EP300: variants seen among roughly 807,000 people sequenced by gnomAD.
EP300 encodes the protein EP300 lysine acetyltransferase, also known as histone acetyltransferase p300.
Under a neutral mutation model 264.0 loss-of-function variants are expected in EP300, and 31 were observed. The ratio of observed to expected loss-of-function variants is 0.12; its 90% confidence interval spans 0.09 to 0.16. EP300 has a LOEUF of 0.16. Ranked by LOEUF, EP300 falls within the 10% of genes least tolerant of loss-of-function variation. The pLI is 1.00. For missense variants in EP300, 2,766 were observed against 3,052.9 expected, an observed-to-expected ratio of 0.91 and a Z score of 2.21; for synonymous variants, 1,340 against 1,045.4, an observed-to-expected ratio of 1.28 and a Z score of -5.44.
intron 29 of EP300, chr22:41,174,811 T>G (rs2059190995): frequency 6.6e-6 from 1 of 152,184 alleles, no homozygotes; most frequent in East Asian, 1.9e-4. Flanking sequence ...ACCTAAAAAT[T>G]GGTTAAACAG....
Position 41,131,520 on chromosome 22 carries a change from G to C in EP300, c.1415G>C (p.Gly472Ala). The change falls in exon 6 of 31, where the codon GGA (glycine) becomes GCA (alanine). Residue 472 changes from glycine (G) to alanine (A), a missense_variant. Physicochemically the swap from Gly to Ala is moderately conservative, Grantham distance 60. Transcript: ENST00000263253. The stretch of plus-strand genomic sequence containing the variant: ...ATAGAAAGAGCCTATGCAGCTCTTG[G>C]ACTACCCTATCAAGTAAATCAGATG... The part of the protein sequence containing the change: ...SSIERAYAAL[G>A]LPYQVNQMPT... The C allele has an allele frequency of 6.2e-7, 1 of 1,613,974 alleles. No homozygotes were observed. The highest frequency in any genetic ancestry group is 8.5e-7 in the Non-Finnish European group (1 of 1,179,994).
intron 20 of EP300, 53 bp downstream of exon 20, chr22:41,160,775 T>C: frequency 1.3e-6 from 2 of 1,483,898 alleles, no homozygotes; most frequent in South Asian, 2.3e-5. Context: ...GTCCAGTGAT[T>C]ATGCACAGCT....
chr22:41,167,781 C>T (rs2059146896), intron 23 of EP300, among the ~76,000 whole-genome samples: 1 of 125,670 alleles, frequency 8.0e-6, no homozygotes, highest in African/African-American at 3.0e-5. Flanking sequence ...TGAGCCTTGT[C>T]TCCTGGCCAT....
At chr22:41,141,752 C>G (rs1044224049) in intron 10 of EP300, among the ~76,000 whole-genome samples, 2 of 151,690 alleles carry the variant, frequency 1.3e-5, no homozygotes, top group Non-Finnish European at 2.9e-5. Context: ...TCTTGGATCA[C>G]TGCAGCCTCC....
intron 10 of EP300, among the ~76,000 whole-genome samples, chr22:41,143,190 C>G (rs549449027): frequency 1.3e-5 from 2 of 152,046 alleles, no homozygotes; most frequent in African/African-American, 2.4e-5. Context: ...TGGTGGCTCA[C>G]GCCTGTAATC....
chr22:41,158,621 G>A (rs1601625626), intron 19 of EP300, 121 bp downstream of exon 19: 1 of 793,192 alleles, frequency 1.3e-6, no homozygotes, highest in East Asian at 2.7e-5. Context: ...CAGCTGTATA[G>A]CACAAGTTCT....
chr22:41,178,341 G>A lies in EP300; in HGVS notation c.6630G>A (p.Gln2210=), dbSNP rs1413036883. 1 of 1,608,048 alleles carries A rather than the reference G, an allele frequency of 6.2e-7. No homozygotes were observed. Among genetic ancestry groups the A allele is most frequent in the Non-Finnish European group, 8.5e-7 (1 of 1,174,746 alleles). Residue 2210 remains glutamine (Q), a synonymous_variant, in exon 31 of 31, where the codon CAG becomes CAA. Coordinates refer to ENST00000263253, the MANE Select transcript of EP300 (RefSeq NM_001429.4). ...GIGPGMANHN[Q]FQQPQGVGYP... ...GCCCTGGAATGGCCAACCATAACCA[G>A]TTCCAGCAACCCCAAGGAGTTGGCT...
In EP300 at chr22:41,149,154, C is replaced by A. The variant is rs145803296; in HGVS notation, c.2358C>A (p.Ser786Arg). The change falls in exon 13 of 31, where the codon AGC becomes AGA. Residue 786 changes from serine to arginine, a missense_variant. Ser to Arg is a moderately radical substitution (Grantham distance 110). Coordinates refer to ENST00000263253, the MANE Select transcript of EP300 (RefSeq NM_001429.4). ...NVTNIPLAPS[S>R]GQAPVSQAQM... ...CAAATATCCCTTTGGCTCCGTCCAG[C>A]GGTCAAGCTCCAGTGTCTCAAGTAT... 1.2e-6 allele frequency: 2 copies of A among 1,613,958 alleles called. No individual in the cohort carries two copies. Among genetic ancestry groups the A allele is most frequent in the Non-Finnish European group, 1.7e-6 (2 of 1,180,004 alleles).
intron 1 of EP300, among the ~76,000 whole-genome samples, chr22:41,095,109 C>T (rs886095283): frequency 2.6e-5 from 4 of 152,082 alleles, no homozygotes; most frequent in Admixed American, 2.6e-4. Context: ...CAAGATTCTA[C>T]TCCAGGAATT....
Position 41,177,470 on chromosome 22 carries a change from G to T in EP300, c.5759G>T (p.Gly1920Val), listed in dbSNP as rs985714434. The T allele has an allele frequency of 3.7e-6, 6 of 1,614,126 alleles. No homozygotes were observed. ...CAGACTGCTCAGCCACCCCTTCCAGGGCCCCCACCTGCAGCAGTGGAAATG... is the reference window on the plus strand; with the variant it reads ...CAGACTGCTCAGCCACCCCTTCCAGTGCCCCCACCTGCAGCAGTGGAAATG... ...PPQTAQPPLP[G>V]PPPAAVEMAM... The change falls in exon 31 of 31, where the codon GGG becomes GTG. Residue 1920 changes from glycine (G) to valine (V), a missense_variant. Transcript: ENST00000263253.
chr22:41,108,536 A>C (rs990671925), intron 1 of EP300, among the ~76,000 whole-genome samples: 41 of 152,168 alleles, frequency 2.7e-4, no homozygotes, highest in African/African-American at 9.4e-4. Context: ...GGCGTGAGCC[A>C]CGGTGCCCAA....
intron 11 of EP300, 135 bp downstream of exon 11, chr22:41,146,951 A>G: frequency 1.3e-6 from 1 of 792,806 alleles, no homozygotes; most frequent in Non-Finnish European, 2.1e-6. Context: ...GAGGGGGTGA[A>G]GAGCAGGTTG....
In EP300 at chr22:41,177,820, G is replaced by A. The variant is rs1298444427; in HGVS notation, c.6109G>A (p.Gly2037Ser). 6.2e-7 allele frequency: 1 copy of A among 1,614,084 alleles called. No individual in the cohort carries two copies. The highest frequency in any genetic ancestry group is 8.5e-7 in the Non-Finnish European group (1 of 1,180,034). ...MAPQPGLGQV[G>S]ISPLKPGTVS... The stretch of plus-strand genomic sequence containing the variant: ...TCCACAACCAGGATTGGGCCAGGTA[G>A]GTATCAGCCCACTCAAACCAGGCAC... Residue 2037 changes from glycine (G) to serine (S), a missense_variant, in exon 31 of 31, where the codon GGT becomes AGT. Physicochemically the swap from Gly to Ser is moderately conservative, Grantham distance 56 (BLOSUM62 0). Transcript: ENST00000263253.
In EP300 at chr22:41,093,027, C is replaced by T. The variant is rs760995545; in HGVS notation, c.23C>T (p.Pro8Leu). Reference sequence around the variant, plus strand: ...AAAATGGCCGAGAATGTGGTGGAACCGGGGCCGCCTTCAGCCAAGCGGCCT... The same window carrying T: ...AAAATGGCCGAGAATGTGGTGGAACTGGGGCCGCCTTCAGCCAAGCGGCCT... MAENVVE[P>L]GPPSAKRPKL... The change falls in exon 1 of 31, where the codon CCG (proline) becomes CTG (leucine). Residue 8 changes from proline to leucine, a missense_variant. Coordinates refer to ENST00000263253, the MANE Select transcript of EP300 (RefSeq NM_001429.4). 2.5e-6 allele frequency: 4 copies of T among 1,614,018 alleles called. No homozygotes were observed. The highest frequency in any genetic ancestry group is 2.2e-5 in the East Asian group (1 of 44,880).
intron 1 of EP300, among the ~76,000 whole-genome samples, chr22:41,096,036 A>G (rs1452247208): frequency 2.0e-5 from 3 of 152,192 alleles, no homozygotes; most frequent in Non-Finnish European, 4.4e-5. Context: ...ACTTATTTGT[A>G]GCCTTCACAC....
At chr22:41,118,521 C>G (rs541065135) in intron 2 of EP300, among the ~76,000 whole-genome samples, 1 of 152,266 alleles carries the variant, frequency 6.6e-6, no homozygotes, top group South Asian at 2.1e-4. Flanking sequence ...GTTGCCAGTG[C>G]CTGGCATGTA....
At chr22:41,116,264 C>A (rs1211881610) in intron 1 of EP300, among the ~76,000 whole-genome samples, 1 of 151,808 alleles carries the variant, frequency 6.6e-6, no homozygotes, top group Non-Finnish European at 1.5e-5. Context: ...ATGTGCAGAA[C>A]GTGCAGGTTT....
At chr22:41,115,157 CAAAT>C (rs2058813871) in intron 1 of EP300, among the ~76,000 whole-genome samples, 1 of 152,108 alleles carries the variant, frequency 6.6e-6, no homozygotes, top group Non-Finnish European at 1.5e-5. Flanking sequence ...AAAGAAAACT[CAAAT>C]AATTTTTATA....
chr22:41,163,434 CAAAAAAAA>C (rs763502729), intron 21 of EP300, among the ~76,000 whole-genome samples: 1 of 44,996 alleles, frequency 2.2e-5, no homozygotes, highest in Non-Finnish European at 4.5e-5. Flanking sequence ...GACTCCGTCT[CAAAAAAAA>C]AAAAAAAAAA....
Sources: gnomAD v4.1 joint callset for allele counts (sites outside exome capture counted in the v4.1 genomes callset) on GRCh38, gnomAD v4.1.1 for gene constraint, MANE v1.5 for transcripts, NCBI Gene and HGNC (gene_info 2026-07-23, HGNC 2026-07-21) for gene names.